The following SDCCAG8 variants were observed in gnomAD, a reference collection of about 807,000 sequenced individuals.
SDCCAG8 encodes serologically defined colon cancer antigen 8.
A neutral mutation model predicts 101.8 loss-of-function variants in SDCCAG8; 74 were observed. The observed-to-expected ratio is 0.73, with a 90% CI of 0.60 to 0.88. The LOEUF (loss-of-function observed/expected upper bound fraction) is 0.88, where lower values mean the gene tolerates loss of function less well. Ranked by LOEUF, SDCCAG8 falls within the 40% of genes least tolerant of loss-of-function variation. The probability of loss-of-function intolerance (pLI) is 0.00; values close to 1 mark genes in which losing one functional copy is unlikely to be tolerated. For missense variants in SDCCAG8, 787 were observed against 822.6 expected (o/e 0.96, Z 0.53); for synonymous variants, 281 against 292.9 (o/e 0.96, Z 0.41).
At chr1:243,345,471 G>A (rs1256501030) in intron 12 of SDCCAG8, among the ~76,000 whole-genome samples, 1 of 152,128 alleles carries the variant, frequency 6.6e-6, no homozygotes, top group Non-Finnish European at 1.5e-5. Context: ...CCAGTTGGGG[G>A]CGTGCCTGAT....
intron 10 of SDCCAG8, among the ~76,000 whole-genome samples, chr1:243,336,820 T>A (rs566775944): frequency 6.6e-6 from 1 of 152,326 alleles, no homozygotes; most frequent in South Asian, 2.1e-4. Flanking sequence ...TGTCTGTTCA[T>A]GTCTTTTGTT....
chr1:243,448,613 G>C (rs973544758), intron 16 of SDCCAG8, among the ~76,000 whole-genome samples: 11 of 152,172 alleles, frequency 7.2e-5, no homozygotes, highest in Admixed American at 6.5e-4. Flanking sequence ...CCAAGACACA[G>C]GTCAGCCATC....
At chr1:243,303,650 G>T (rs2071776147) in intron 6 of SDCCAG8, among the ~76,000 whole-genome samples, 1 of 152,022 alleles carries the variant, frequency 6.6e-6, no homozygotes, top group South Asian at 2.1e-4. Flanking sequence ...CTTTTCTCTA[G>T]ATTGCTTTCT....
At chr1:243,449,558 A>G (rs868342109) in intron 16 of SDCCAG8, among the ~76,000 whole-genome samples, 1 of 152,190 alleles carries the variant, frequency 6.6e-6, no homozygotes, top group African/African-American at 2.4e-5. Flanking sequence ...TTGGAAACAC[A>G]TTATCATTTC....
At chr1:243,319,869 ACT>A (rs899835768) in intron 9 of SDCCAG8, among the ~76,000 whole-genome samples, 4 of 151,840 alleles carry the variant, frequency 2.6e-5, no homozygotes, top group African/African-American at 9.7e-5. Flanking sequence ...CTGAAACCAC[ACT>A]CTCTGACTAG....
intron 16 of SDCCAG8, among the ~76,000 whole-genome samples, chr1:243,466,745 C>T (rs1159313049): frequency 1.3e-5 from 2 of 152,232 alleles, no homozygotes; most frequent in South Asian, 4.1e-4. Flanking sequence ...CAGGTCCTAT[C>T]GAGAGTAGAC....
chr1:243,348,847 A>G (rs2075908708), intron 12 of SDCCAG8, among the ~76,000 whole-genome samples: 1 of 151,366 alleles, frequency 6.6e-6, no homozygotes, highest in Non-Finnish European at 1.5e-5. Flanking sequence ...TTAGCCGGAC[A>G]TGATGGCACA....
At chr1:243,437,833 C>T (rs1324851481) in intron 16 of SDCCAG8, among the ~76,000 whole-genome samples, 1 of 152,180 alleles carries the variant, frequency 6.6e-6, no homozygotes, top group East Asian at 1.9e-4. Context: ...CCACCGCGTC[C>T]GGCCAGAAAG....
At chr1:243,425,839 C>T (rs919085136) in intron 15 of SDCCAG8, among the ~76,000 whole-genome samples, 2 of 152,126 alleles carry the variant, frequency 1.3e-5, no homozygotes, top group African/African-American at 2.4e-5. Flanking sequence ...TGGATAAAGC[C>T]TGCCTGCATG....
At chr1:243,269,621 G>T (rs1361853336) in intron 1 of SDCCAG8, among the ~76,000 whole-genome samples, 1 of 151,988 alleles carries the variant, frequency 6.6e-6, no homozygotes, top group African/African-American at 2.4e-5. Flanking sequence ...TCTTGGTGGG[G>T]GAGGGATTTC....
chr1:243,298,078 T>G (rs1369664419), intron 6 of SDCCAG8, among the ~76,000 whole-genome samples: 1 of 149,060 alleles, frequency 6.7e-6, no homozygotes, highest in Non-Finnish European at 1.5e-5. Context: ...AGACGGAGTC[T>G]CACTCTGTCA....
chr1:243,345,941 G>A (rs1195573386), intron 12 of SDCCAG8, among the ~76,000 whole-genome samples: 3 of 152,196 alleles, frequency 2.0e-5, no homozygotes, highest in Non-Finnish European at 4.4e-5. Context: ...GACGTTTAGT[G>A]GTATGTTTTT....
At chr1:243,294,506 C>CGAGAGAGAGAGAGAGAGCGAGAGAGAGA in intron 6 of SDCCAG8, among the ~76,000 whole-genome samples, 1 of 105,884 alleles carries the variant, frequency 9.4e-6, no homozygotes, top group Non-Finnish European at 1.9e-5. Context: ...AGAGAAAGAG[C>CGAGAGAGAGAGAGAGAGCGAGAGAGAGA]GAGAGAGAGA....
intron 9 of SDCCAG8, among the ~76,000 whole-genome samples, chr1:243,326,104 C>T (rs2074128916): frequency 1.3e-5 from 2 of 151,954 alleles, no homozygotes; most frequent in Admixed American, 6.6e-5. Flanking sequence ...ATGATATAAC[C>T]CTCTAAGGAA....
At chr1:243,469,260 A>T (rs1660751330) in intron 16 of SDCCAG8, among the ~76,000 whole-genome samples, 1 of 151,420 alleles carries the variant, frequency 6.6e-6, no homozygotes, top group African/African-American at 2.5e-5. Flanking sequence ...CATCCATGGC[A>T]TGCTTTTTTT....
rs780984764 is a variant in SDCCAG8, at chr1:243,489,050, C to G, written c.2022C>G (p.Ala674=). Residue 674 remains alanine (A), a synonymous_variant, in exon 17 of 18, where the codon GCC becomes GCG. Transcript: ENST00000366541. ...TGGATAAGCACAGCCAGGCCACAGC[C>G]CAGCAGCTGGTGCAGCTCCTCAGCA... ...RQLDKHSQAT[A]QQLVQLLSKQ... 3.1e-6 allele frequency: 5 copies of G among 1,613,316 alleles called. No individual in the cohort carries two copies. The highest frequency in any genetic ancestry group is 1.3e-5 in the African/African-American group (1 of 74,940).
intron 5 of SDCCAG8, among the ~76,000 whole-genome samples, chr1:243,289,311 G>C (rs1262054616): frequency 1.3e-5 from 2 of 152,122 alleles, no homozygotes; most frequent in Non-Finnish European, 2.9e-5. Context: ...TTTTCTGCCT[G>C]CTTTATATTC....
chr1:243,462,869 A>AAAACAAAAC (rs1396941961), intron 16 of SDCCAG8, among the ~76,000 whole-genome samples: 4 of 139,802 alleles, frequency 2.9e-5, no homozygotes, highest in Admixed American at 2.7e-4. Flanking sequence ...AAAACAAAAC[A>AAAACAAAAC]AAAAAAAACC....
intron 12 of SDCCAG8, among the ~76,000 whole-genome samples, chr1:243,365,396 C>G (rs2076940671): frequency 2.6e-5 from 4 of 152,076 alleles, no homozygotes; most frequent in South Asian, 4.1e-4. Context: ...ATTTAAAGAA[C>G]AGAAATTGTA....
Sources: gnomAD v4.1 joint callset for allele counts (sites outside exome capture counted in the v4.1 genomes callset) on GRCh38, gnomAD v4.1.1 for gene constraint, MANE v1.5 for transcripts, NCBI Gene and HGNC (gene_info 2026-07-23, HGNC 2026-07-21) for gene names.